Variants in DPH6 observed in about 807,000 individuals in gnomAD.
The protein encoded by DPH6 is diphthine--ammonia ligase.
DPH6 carries 33 observed loss-of-function variants against 38.2 expected under a neutral mutation model. That is an observed-to-expected ratio of 0.86 (90% CI 0.65 to 1.15). The LOEUF (loss-of-function observed/expected upper bound fraction) is 1.15. Among genes scored for constraint, DPH6 ranks in the 50% most tolerant of loss-of-function variants. DPH6 has a pLI of 0.00. For synonymous variants in DPH6, 108 were observed against 103.0 expected, an observed-to-expected ratio of 1.05 and a Z score of -0.30; for missense variants, 325 against 320.0, an observed-to-expected ratio of 1.02 and a Z score of -0.12.
At chr15:35,201,099 A>G in the DPH6 span, among the ~76,000 whole-genome samples, 3 of 150,804 alleles carry the variant, frequency 2.0e-5, no homozygotes, top group East Asian at 5.8e-4. Flanking sequence ...TACTGTATAA[A>G]TATTTTCATA....
chr15:35,370,133 T>G (rs544205645), downstream of DPH6, among the ~76,000 whole-genome samples: 5 of 151,866 alleles, frequency 3.3e-5, no homozygotes, highest in East Asian at 7.7e-4. Context: ...CTGGAACAAC[T>G]GAATAACTAC....
chr15:35,269,471 AT>A lies in DPH6; in HGVS notation n.201-48890del, dbSNP rs530890292. ...ATTTTAGGACTTCATTTTATTTTTA[AT>A]TTTTTTATTTTTATTTTTTTTGAGA... On this transcript the variant is annotated intron_variant and non_coding_transcript_variant, in intron 3 of 3. Transcript: ENST00000560386. 2.6e-3 allele frequency among the ~76,000 whole-genome samples: 392 copies of A among 152,056 alleles called. 2 individuals are homozygous for A. Among genetic ancestry groups the A allele is most frequent in the African/African-American group, 8.9e-3 (370 of 41,486 alleles).
intron 8 of DPH6, 106 bp downstream of exon 8, chr15:35,373,415 C>T (rs1595507589): frequency 7.3e-6 from 7 of 952,868 alleles, no homozygotes; most frequent in Non-Finnish European, 7.4e-6. Flanking sequence ...TGATAAAAAT[C>T]AATTTTCTTT....
At chr15:35,215,777 G>A (rs1595431850), downstream of DPH6, among the ~76,000 whole-genome samples, 1 of 152,302 alleles carries the variant, frequency 6.6e-6, no homozygotes, top group East Asian at 1.9e-4. Flanking sequence ...CAAAGCCACT[G>A]TCGGCACTAT....
At chr15:35,379,164 G>A (rs1047468285) in intron 7 of DPH6, among the ~76,000 whole-genome samples, 5 of 152,114 alleles carry the variant, frequency 3.3e-5, no homozygotes, top group Admixed American at 6.5e-5. Context: ...GGACCCTTCT[G>A]CCTCTTTCTT....
chr15:35,413,232 G>A (rs2053391785), intron 5 of DPH6, among the ~76,000 whole-genome samples: 1 of 151,758 alleles, frequency 6.6e-6, no homozygotes, highest in South Asian at 2.1e-4. Context: ...CTGCTCGAAT[G>A]AAAGTATGTT....
chr15:35,207,037 GCTTT>G, the DPH6 span, among the ~76,000 whole-genome samples: 1 of 64,798 alleles, frequency 1.5e-5, no homozygotes, highest in African/African-American at 3.8e-5. Context: ...ATTTAGTAAA[GCTTT>G]TTTTTTTTTT....
chr15:35,317,091 CTACAAAAAA>C (rs111722766), intron 3 of DPH6, among the ~76,000 whole-genome samples: 152 of 152,052 alleles, frequency 1.0e-3, no homozygotes, highest in African/African-American at 3.6e-3. Context: ...AACCCTATCT[CTACAAAAAA>C]TACAAAAAAT....
At chr15:35,196,205 G>A in the DPH6 span, among the ~76,000 whole-genome samples, 55 of 152,282 alleles carry the variant, frequency 3.6e-4, no homozygotes, top group African/African-American at 1.1e-3. Flanking sequence ...ATAACATTGT[G>A]CTATGCTAAT....
chr15:35,430,884 T>C (rs1193217136), intron 5 of DPH6, among the ~76,000 whole-genome samples: 1 of 152,082 alleles, frequency 6.6e-6, no homozygotes, highest in Non-Finnish European at 1.5e-5. Flanking sequence ...AAATGTGAAA[T>C]TACAAGTACA....
chr15:35,472,933 T>C (rs1173443760), intron 3 of DPH6, among the ~76,000 whole-genome samples: 1 of 148,214 alleles, frequency 6.7e-6, no homozygotes, highest in Non-Finnish European at 1.5e-5. Context: ...ATGTAGTAAA[T>C]ACATCATAAA....
chr15:35,231,361 A>T (rs2140392643), intron 3 of DPH6, among the ~76,000 whole-genome samples: 1 of 152,312 alleles, frequency 6.6e-6, no homozygotes, highest in Non-Finnish European at 1.5e-5. Context: ...TATTCTCTGC[A>T]CCATGCTGCT....
intron 3 of DPH6, among the ~76,000 whole-genome samples, chr15:35,244,251 G>T (rs1231041840): frequency 6.6e-6 from 1 of 152,138 alleles, no homozygotes; most frequent in Non-Finnish European, 1.5e-5. Context: ...TCTTACTATG[G>T]CATTTTGCCC....
chr15:35,273,073 T>C (rs918287712), intron 3 of DPH6, among the ~76,000 whole-genome samples: 4 of 152,052 alleles, frequency 2.6e-5, no homozygotes, highest in Non-Finnish European at 5.9e-5. Context: ...CTGTACAGTC[T>C]GCAGAACCAA....
intron 6 of DPH6, among the ~76,000 whole-genome samples, chr15:35,406,981 A>G (rs1241363607): frequency 6.6e-6 from 1 of 152,012 alleles, no homozygotes; most frequent in Admixed American, 6.6e-5. Context: ...GGTGGAGTAT[A>G]CGTGGAAAGC....
intron 5 of DPH6, among the ~76,000 whole-genome samples, chr15:35,420,175 CTGAAGGAGCATATGA>C (rs2053486262): frequency 6.6e-6 from 1 of 152,024 alleles, no homozygotes; most frequent in African/African-American, 2.4e-5. Context: ...CAATATGCTC[CTGAAGGAGCATATGA>C]CCCTATCTTA....
At chr15:35,396,371 C>T (rs567369519) in intron 6 of DPH6, 2 of 151,808 alleles carry the variant, frequency 1.3e-5, no homozygotes, top group South Asian at 4.2e-4. Flanking sequence ...AGCAGTTAGT[C>T]TTGGGCTTTA....
In DPH6 at chr15:35,505,606, G is replaced by A. The variant is rs543519543; in HGVS notation, c.312+32668C>T. ...GAGTGATTCTGATCCTGAAGTTACC[G>A]TCTTGCTTATACTCTAAGTTCACAC... is the stretch of plus-strand genomic sequence containing the variant. On this transcript the variant is annotated intron_variant, in intron 3 of 8. Coordinates refer to ENST00000256538, the MANE Select transcript of DPH6 (RefSeq NM_080650.4). Among the ~76,000 whole-genome samples the A allele has an allele frequency of 7.9e-5, 12 of 152,030 alleles. 1 individual carries two copies. The highest frequency in any genetic ancestry group is 2.0e-4 in the Admixed American group (3 of 15,240).
intron 3 of DPH6, among the ~76,000 whole-genome samples, chr15:35,528,785 A>G (rs1232334538): frequency 3.3e-5 from 5 of 152,326 alleles, no homozygotes; most frequent in Non-Finnish European, 5.9e-5. Context: ...ATTACAATGC[A>G]TATTGATATT....
Sources: gnomAD v4.1 joint callset for allele counts (sites outside exome capture counted in the v4.1 genomes callset) on GRCh38, gnomAD v4.1.1 for gene constraint, MANE v1.5 for transcripts, NCBI Gene and HGNC (gene_info 2026-07-23, HGNC 2026-07-21) for gene names.